Variants in AGBL1 observed in about 807,000 individuals in gnomAD.
AGBL1 encodes cytosolic carboxypeptidase 4.
A neutral mutation model predicts 118.9 loss-of-function variants in AGBL1; 130 were observed. The observed-to-expected ratio is 1.09, with a 90% CI of 0.95 to 1.26. The LOEUF (loss-of-function observed/expected upper bound fraction) is 1.26. AGBL1 is among the 50% of genes most tolerant of loss of function. The pLI, the probability that AGBL1 is intolerant of heterozygous loss-of-function variation, is 0.00. For missense variants in AGBL1, 1,584 were observed against 1,298.1 expected (o/e 1.22, Z -3.38); for synonymous variants, 555 against 478.9 (o/e 1.16, Z -2.08).
At chr15:86,933,530 C>A (rs1214017709) in intron 23 of AGBL1, among the ~76,000 whole-genome samples, 1 of 152,146 alleles carries the variant, frequency 6.6e-6, no homozygotes, top group Non-Finnish European at 1.5e-5. Context: ...CTTTTGAGAT[C>A]AACTCCAGTT....
chr15:86,278,523 AG>A (rs1453342352), intron 15 of AGBL1, among the ~76,000 whole-genome samples: 16 of 152,188 alleles, frequency 1.1e-4, no homozygotes, highest in Admixed American at 6.5e-5. Flanking sequence ...CTTTTTGCTT[AG>A]GTAGGGAGTG....
chr15:87,004,216 G>C (rs1201465646), intron 24 of AGBL1, among the ~76,000 whole-genome samples: 1 of 151,988 alleles, frequency 6.6e-6, no homozygotes, highest in African/African-American at 2.4e-5. Context: ...CCTTCATTTC[G>C]TTATATACCC....
At chr15:86,659,340 G>A (rs2085505256) in intron 21 of AGBL1, among the ~76,000 whole-genome samples, 1 of 152,162 alleles carries the variant, frequency 6.6e-6, no homozygotes, top group African/African-American at 2.4e-5. Flanking sequence ...CAGATTGATG[G>A]ATGAGATGAT....
intron 5 of AGBL1, among the ~76,000 whole-genome samples, chr15:86,173,585 T>G (rs180890796): frequency 3.3e-4 from 51 of 152,300 alleles, no homozygotes; most frequent in Middle Eastern, 3.4e-3. Flanking sequence ...GGTTTTATAT[T>G]TAAGTCTTTA....
intron 22 of AGBL1, among the ~76,000 whole-genome samples, chr15:86,733,614 T>A (rs546676809): frequency 6.2e-4 from 95 of 152,316 alleles, no homozygotes; most frequent in African/African-American, 3.4e-4. Flanking sequence ...GTTGTTGTTG[T>A]ATTTAAATAT....
At chr15:86,315,053 C>T (rs892602961) in intron 17 of AGBL1, among the ~76,000 whole-genome samples, 3 of 152,160 alleles carry the variant, frequency 2.0e-5, no homozygotes, top group South Asian at 2.1e-4. Flanking sequence ...CCTAACACAG[C>T]GTAAAGAGAG....
chr15:87,019,624 T>A (rs1946624), intron 24 of AGBL1, among the ~76,000 whole-genome samples: 58,390 of 151,734 alleles, frequency 0.38, 11,762 homozygotes, highest in East Asian at 0.51. Flanking sequence ...GCTAAAGCAA[T>A]TCTAAGAGGG....
chr15:86,616,620 A>G (rs1024640566), intron 21 of AGBL1, among the ~76,000 whole-genome samples: 1 of 152,216 alleles, frequency 6.6e-6, no homozygotes, highest in Non-Finnish European at 1.5e-5. Flanking sequence ...CTATGCCTAC[A>G]TAATGTTGAG....
rs923328684 is a variant in AGBL1 at position 86,647,142 on chromosome 15, C to T, written c.2995-27131C>T. On this transcript the variant is annotated intron_variant, in intron 21 of 22. Coordinates refer to ENST00000614907, the MANE Select transcript of AGBL1 (RefSeq NM_001386094.1). Reference sequence around the variant, plus strand: ...TTAATTGATTTATATAACAATCAACCATATTTGAGCTAGAATTAATAGTTT... The same window carrying T: ...TTAATTGATTTATATAACAATCAACTATATTTGAGCTAGAATTAATAGTTT... Among the ~76,000 whole-genome samples, 4 of 151,762 alleles carry T rather than the reference C, an allele frequency of 2.6e-5. No homozygotes were observed. The East Asian group carries it at 7.7e-4, about 29-fold the overall frequency.
chr15:86,469,101 A>G (rs1016618241), intron 18 of AGBL1, among the ~76,000 whole-genome samples: 4 of 152,146 alleles, frequency 2.6e-5, no homozygotes, highest in Non-Finnish European at 5.9e-5. Flanking sequence ...AATATTCAAG[A>G]TCTCTGATAG....
At chr15:87,019,037 A>C (rs1452375126) in intron 24 of AGBL1, among the ~76,000 whole-genome samples, 1 of 152,176 alleles carries the variant, frequency 6.6e-6, no homozygotes, top group Non-Finnish European at 1.5e-5. Flanking sequence ...AGGGCATTAC[A>C]TAATGGTAAA....
At chr15:86,546,534 C>T (rs1208145679) in intron 20 of AGBL1, among the ~76,000 whole-genome samples, 1 of 152,114 alleles carries the variant, frequency 6.6e-6, no homozygotes, top group Non-Finnish European at 1.5e-5. Flanking sequence ...AATACTGCCT[C>T]TGTTACATAG....
At chr15:86,282,630 TA>T (rs971328349) in intron 16 of AGBL1, among the ~76,000 whole-genome samples, 2 of 152,068 alleles carry the variant, frequency 1.3e-5, no homozygotes, top group South Asian at 2.1e-4. Flanking sequence ...TGACTTCTCT[TA>T]AAAAAAACTT....
intron 18 of AGBL1, among the ~76,000 whole-genome samples, chr15:86,449,384 A>T (rs2082165739): frequency 6.6e-6 from 1 of 152,242 alleles, no homozygotes; most frequent in Admixed American, 6.5e-5. Context: ...CTGTCTTTCA[A>T]GTGGGTTATG....
chr15:86,538,597 T>C (rs966368080), intron 19 of AGBL1, among the ~76,000 whole-genome samples: 2 of 152,232 alleles, frequency 1.3e-5, no homozygotes, highest in Non-Finnish European at 2.9e-5. Flanking sequence ...TCAGTTGGTT[T>C]AATTGGACAC....
chr15:86,976,914 A>G (rs1023457188), intron 23 of AGBL1, among the ~76,000 whole-genome samples: 1 of 152,002 alleles, frequency 6.6e-6, no homozygotes, highest in Non-Finnish European at 1.5e-5. Flanking sequence ...AGTGATTTAT[A>G]AATGTCTTCA....
chr15:86,900,576 GA>G, intron 22 of AGBL1, among the ~76,000 whole-genome samples: 1 of 151,896 alleles, frequency 6.6e-6, no homozygotes, highest in East Asian at 1.9e-4. Context: ...CAGTGTAATT[GA>G]TTTTTTTGGA....
intron 17 of AGBL1, among the ~76,000 whole-genome samples, chr15:86,298,429 G>T (rs2079693083): frequency 6.8e-6 from 1 of 146,382 alleles, no homozygotes; most frequent in Non-Finnish European, 1.5e-5. Flanking sequence ...GTTTCTAAAA[G>T]AAGAAAAAAA....
chr15:86,806,042 A>G (rs1330432334), intron 22 of AGBL1, among the ~76,000 whole-genome samples: 1 of 152,130 alleles, frequency 6.6e-6, no homozygotes, highest in African/African-American at 2.4e-5. Flanking sequence ...GGCCCAGCAT[A>G]TTCATACTTT....
Sources: gnomAD v4.1 joint callset for allele counts (sites outside exome capture counted in the v4.1 genomes callset) on GRCh38, gnomAD v4.1.1 for gene constraint, MANE v1.5 for transcripts, NCBI Gene and HGNC (gene_info 2026-07-23, HGNC 2026-07-21) for gene names.